Variants in PES1 observed in about 807,000 individuals in gnomAD.
PES1 encodes pescadillo homolog.
PES1 carries 31 observed loss-of-function variants against 77.1 expected under a neutral mutation model. That is an observed-to-expected ratio of 0.40 (90% CI 0.30 to 0.54). PES1 has a LOEUF of 0.54. Ranked by LOEUF, PES1 falls within the 20% of genes least tolerant of loss-of-function variation. The pLI is 0.45. For missense variants in PES1, 658 were observed against 771.7 expected (o/e 0.85, Z 1.75); for synonymous variants, 282 against 303.0 (o/e 0.93, Z 0.72).
At chr22:30,600,733 G>C (rs1054621863) in intron 2 of PES1, among the ~76,000 whole-genome samples, 15 of 152,136 alleles carry the variant, frequency 9.9e-5, no homozygotes, top group Non-Finnish European at 1.2e-4. Context: ...GGAGAATGGC[G>C]TGAACCCGGA....
chr22:30,600,750 G>T (rs909910086), intron 2 of PES1, among the ~76,000 whole-genome samples: 2 of 152,298 alleles, frequency 1.3e-5, no homozygotes, highest in African/African-American at 4.8e-5. Flanking sequence ...CGGAGGCAGA[G>T]CTTGCAGTGA....
intron 2 of PES1, among the ~76,000 whole-genome samples, chr22:30,588,853 C>T (rs765523450): frequency 2.0e-5 from 3 of 151,874 alleles, no homozygotes; most frequent in Non-Finnish European, 4.4e-5. Context: ...GCAGGGCCCA[C>T]AGGCCACAGT....
intron 4 of PES1, among the ~76,000 whole-genome samples, chr22:30,585,796 A>G (rs1184230840): frequency 6.6e-6 from 1 of 152,062 alleles, no homozygotes; most frequent in East Asian, 1.9e-4. Context: ...GAGACCAGAC[A>G]TTGCCAAGGT....
In PES1 at chr22:30,580,132, C is replaced by T. The variant is rs1255898421; in HGVS notation, c.1090G>A (p.Ala364Thr). 6 of 1,614,044 alleles carry T rather than the reference C, an allele frequency of 3.7e-6. No individual in the cohort carries two copies. Among genetic ancestry groups the T allele is most frequent in the South Asian group, 1.1e-5 (1 of 91,068 alleles). Residue 364 changes from alanine to threonine, a missense_variant, in exon 11 of 15, where the codon GCC (alanine) becomes ACC (threonine). Ala to Thr is a moderately conservative substitution (Grantham distance 58). Transcript: ENST00000354694. ...VSWDKSLCIG[A>T]TYDVTDSRIT... Reference sequence around the variant, plus strand: ...CGGGAGTCTGTGACGTCATAGGTGGCCCCAATGCACAAAGATTTGTCCCAG... The same window carrying T: ...CGGGAGTCTGTGACGTCATAGGTGGTCCCAATGCACAAAGATTTGTCCCAG...
chr22:30,605,327 C>A, intron 2 of PES1: 1 of 275,338 alleles, frequency 3.6e-6, no homozygotes. Flanking sequence ...TGCTGTCTTC[C>A]TATTCCTACT....
intron 10 of PES1, 51 bp from the exon 11 acceptor site, chr22:30,580,229 C>A (rs942300258): frequency 3.8e-6 from 6 of 1,566,554 alleles, no homozygotes; most frequent in Non-Finnish European, 5.2e-6. Flanking sequence ...AGCTGCCTGT[C>A]CTGAGACTCA....
intron 2 of PES1, among the ~76,000 whole-genome samples, chr22:30,600,420 C>T (rs1281543398): frequency 6.6e-6 from 1 of 152,186 alleles, no homozygotes; most frequent in Admixed American, 6.5e-5. Context: ...TGGTGGTTCA[C>T]ACCTGTAATC....
chr22:30,606,010 A>G (rs1204963066), intron 1 of PES1, among the ~76,000 whole-genome samples: 1 of 152,208 alleles, frequency 6.6e-6, no homozygotes, highest in Non-Finnish European at 1.5e-5. Context: ...CTTCTCACAC[A>G]GGAAGAACTA....
At position 30,582,750 on chromosome 22, in the gene PES1, C is replaced by T. The variant is rs918261798; in HGVS notation, c.631-1106G>A. Among the ~76,000 whole-genome samples the T allele has an allele frequency of 6.6e-5, 10 of 152,304 alleles. No homozygotes were observed. In the Middle Eastern group the frequency reaches 0.01, roughly 155 times the overall value. On this transcript the variant is annotated intron_variant, in intron 6 of 14. Coordinates refer to ENST00000354694, the MANE Select transcript of PES1 (RefSeq NM_014303.4). Reference sequence around the variant, plus strand: ...GGGCCAAGAGAAGCCCTGCCTGTTCCCTCACTCACACCGCCATCCTTCCAT... The same window carrying T: ...GGGCCAAGAGAAGCCCTGCCTGTTCTCTCACTCACACCGCCATCCTTCCAT...
rs2086905336 is a variant in PES1, at chr22:30,576,795, C to T, written c.*251G>A. 1 of 552,574 alleles carries T rather than the reference C, an allele frequency of 1.8e-6. No homozygotes were observed. Among genetic ancestry groups the T allele is most frequent in the Admixed American group, 3.2e-5 (1 of 31,322 alleles). The allele number at this position is 552,574 out of a possible 1,614,324, so 34.2% of individuals were successfully genotyped here. ...GGGTGGGCCTCTGCACCTCATGTCA[C>T]TGGCTCCTGGGAGCAGAGAATCAGG... is the stretch of plus-strand genomic sequence containing the variant. On this transcript the variant is annotated 3_prime_UTR_variant, in exon 15 of 15. Coordinates refer to ENST00000354694, the MANE Select transcript of PES1 (RefSeq NM_014303.4).
chr22:30,580,441 A>G, intron 10 of PES1, 130 bp downstream of exon 10: 1 of 1,302,844 alleles, frequency 7.7e-7, no homozygotes, highest in South Asian at 1.3e-5. Flanking sequence ...GGTGCCGAGC[A>G]CTTTCCACAC....
chr22:30,579,925 G>A lies in PES1; in HGVS notation c.1180C>T (p.Gln394Ter). The change falls in exon 12 of 15, where the codon CAG becomes TAG. Residue 394 changes from glutamine to a stop codon, truncating the protein, a stop_gained. Coordinates refer to ENST00000354694, the MANE Select transcript of PES1 (RefSeq NM_014303.4). LOFTEE classifies it high-confidence loss of function. ...QTSVIGRCYV[Q>*]PQWVFDSVNA... ...ACTGAGTCAAACACCCACTGGGGCT[G>A]CACGTAGCACCTGGCGCAGAGTGGC... 6.2e-7 allele frequency: 1 copy of A among 1,613,886 alleles called. No individual in the cohort carries two copies. The highest frequency in any genetic ancestry group is 8.5e-7 in the Non-Finnish European group (1 of 1,179,832).
At chr22:30,606,417 GT>G (rs1474640605) in intron 1 of PES1, among the ~76,000 whole-genome samples, 1 of 151,816 alleles carries the variant, frequency 6.6e-6, no homozygotes, top group Non-Finnish European at 1.5e-5. Flanking sequence ...TTTTGTATGT[GT>G]TTTTTGTGTT....
intron 1 of PES1, chr22:30,606,627 T>G (rs1376484131): frequency 6.5e-6 from 1 of 154,120 alleles, no homozygotes. Context: ...TTGAGAAAAG[T>G]GGCCTGGCTG....
In PES1 at chr22:30,591,792, AC is replaced by A; in HGVS notation, c.24+17del. 6.4e-7 allele frequency: 1 copy of A among 1,552,118 alleles called. No homozygotes were observed. Among genetic ancestry groups the A allele is most frequent in the Non-Finnish European group, 8.7e-7 (1 of 1,149,582 alleles). Reference sequence around the variant, plus strand: ...CGCACCCCACCCCTCGGGAATCCCCACCGTCTTTCCCAATCACCTTCTTCTT... The same window carrying A: ...CGCACCCCACCCCTCGGGAATCCCCACGTCTTTCCCAATCACCTTCTTCTT... On this transcript the variant is annotated intron_variant, in intron 1 of 14. Coordinates refer to ENST00000354694, the MANE Select transcript of PES1 (RefSeq NM_014303.4).
At chr22:30,589,937 T>C (rs928185726) in intron 1 of PES1, among the ~76,000 whole-genome samples, 3 of 152,212 alleles carry the variant, frequency 2.0e-5, no homozygotes, top group Non-Finnish European at 2.9e-5. Context: ...AATGTAGTCC[T>C]TGGGGAGCCA....
At chr22:30,595,913 A>T (rs1354533462), upstream of PES1, among the ~76,000 whole-genome samples, 1 of 152,166 alleles carries the variant, frequency 6.6e-6, no homozygotes, top group Non-Finnish European at 1.5e-5. Flanking sequence ...AAGTGCAATT[A>T]TAGGGGGTGC....
At chr22:30,600,425 G>C (rs566257764) in intron 2 of PES1, among the ~76,000 whole-genome samples, 1 of 152,172 alleles carries the variant, frequency 6.6e-6, no homozygotes, top group South Asian at 2.1e-4. Context: ...GTTCACACCT[G>C]TAATCCCAAC....
Position 30,591,871 on chromosome 22 carries a change from A to G in PES1, c.-38T>C. ...AGGAGCCGACTAGGGCCGCGCGTAC[A>G]GGGAGCTCCACTTCCTCCCGCACGT... is the stretch of plus-strand genomic sequence containing the variant. On this transcript the variant is annotated 5_prime_UTR_variant, in exon 1 of 15. Coordinates refer to ENST00000354694, the MANE Select transcript of PES1 (RefSeq NM_014303.4). 2 of 1,543,154 alleles carry G rather than the reference A, an allele frequency of 1.3e-6. No individual in the cohort carries two copies. The highest frequency in any genetic ancestry group is 1.7e-6 in the Non-Finnish European group (2 of 1,145,222).
Sources: allele counts gnomAD v4.1 joint callset (sites outside exome capture counted in the v4.1 genomes callset), GRCh38; gene constraint gnomAD v4.1.1; transcripts MANE v1.5; gene names NCBI Gene and HGNC (gene_info 2026-07-23, HGNC 2026-07-21).